The following IDO2 variants were observed in gnomAD, a reference collection of about 807,000 sequenced individuals.
IDO2 encodes the protein indoleamine 2,3-dioxygenase-like 1 protein.
In IDO2, 46 loss-of-function variants were observed where a neutral mutation model predicts 45.1. The ratio of observed to expected loss-of-function variants is 1.02; its 90% confidence interval spans 0.80 to 1.30. The LOEUF is 1.30. Among genes scored for constraint, IDO2 ranks in the 50% most tolerant of loss-of-function variants. The pLI is 0.00. For synonymous variants in IDO2, 218 were observed against 184.9 expected (o/e 1.18, Z -1.45); for missense variants, 544 against 491.8 (o/e 1.11, Z -1.00).
chr8:39,975,401 AAAG>A (rs1257859336), intron 3 of IDO2, among the ~76,000 whole-genome samples: 6 of 152,162 alleles, frequency 3.9e-5, no homozygotes, highest in Non-Finnish European at 8.8e-5. Flanking sequence ...ATATAAATGA[AAAG>A]AAGATTTGTA....
At chr8:40,002,968 A>C (rs966900490) in intron 8 of IDO2, among the ~76,000 whole-genome samples, 5 of 152,102 alleles carry the variant, frequency 3.3e-5, no homozygotes, top group Non-Finnish European at 7.4e-5. Context: ...TCCTGGGTAA[A>C]CCACCTCAAA....
At chr8:40,005,476 A>C in intron 9 of IDO2, 98 bp downstream of exon 9, 1 of 687,248 alleles carries the variant, frequency 1.5e-6, no homozygotes, top group Non-Finnish European at 2.3e-6. Flanking sequence ...CGTAAGAAAC[A>C]TACCAAGTGA....
At chr8:40,011,158 G>T (rs1802304941) in intron 9 of IDO2, among the ~76,000 whole-genome samples, 1 of 152,102 alleles carries the variant, frequency 6.6e-6, no homozygotes. Flanking sequence ...CGATCTCCCC[G>T]CCTGGGCCTC....
intron 10 of IDO2, 30 bp downstream of exon 10, chr8:40,013,743 A>G (rs1308961993): frequency 2.6e-6 from 4 of 1,511,768 alleles, no homozygotes; most frequent in Non-Finnish European, 3.6e-6. Context: ...TTCCCTTGAG[A>G]GTAGAGGGAG....
intron 8 of IDO2, among the ~76,000 whole-genome samples, chr8:39,999,086 A>G (rs1802095971): frequency 6.6e-6 from 1 of 152,014 alleles, no homozygotes; most frequent in Non-Finnish European, 1.5e-5. Context: ...CCTGAAGGAT[A>G]TTTTTGCTAG....
chr8:39,960,809 G>A (rs1329627619), intron 2 of IDO2, among the ~76,000 whole-genome samples: 1 of 152,072 alleles, frequency 6.6e-6, no homozygotes, highest in Non-Finnish European at 1.5e-5. Context: ...TTGAGACGGA[G>A]TCTCGCTCTG....
chr8:39,965,461 T>C (rs1808070718), intron 3 of IDO2, among the ~76,000 whole-genome samples: 2 of 152,112 alleles, frequency 1.3e-5, no homozygotes, highest in African/African-American at 4.8e-5. Flanking sequence ...AACTCTAGCC[T>C]GGGCCACAGA....
At chr8:39,999,380 G>A (rs1303308989) in intron 8 of IDO2, among the ~76,000 whole-genome samples, 1 of 148,252 alleles carries the variant, frequency 6.7e-6, no homozygotes, top group East Asian at 2.1e-4. Context: ...CTCGGTTCAA[G>A]CGATTCTCCT....
At chr8:40,015,902 A>C in exon 11 of IDO2, 1 of 362,716 alleles carries the variant, frequency 2.8e-6, no homozygotes, top group Non-Finnish European at 4.9e-6. Flanking sequence ...AGTAATAGAA[A>C]ACCAATCTAA....
chr8:40,000,221 G>C (rs1234950374), intron 8 of IDO2, among the ~76,000 whole-genome samples: 1 of 152,038 alleles, frequency 6.6e-6, no homozygotes, highest in South Asian at 2.1e-4. Flanking sequence ...AGACCATCCT[G>C]GCCAATATGA....
At chr8:40,011,141 C>T (rs1563443362) in intron 9 of IDO2, among the ~76,000 whole-genome samples, 1 of 152,170 alleles carries the variant, frequency 6.6e-6, no homozygotes, top group Non-Finnish European at 1.5e-5. Flanking sequence ...AAACTCCTGA[C>T]CTCAATCGAT....
At chr8:39,989,791 T>C (rs1384733771) in exon 8 of IDO2, 2 of 1,604,930 alleles carry the variant, frequency 1.2e-6, no homozygotes, top group African/African-American at 2.7e-5. Flanking sequence ...CTGCAGCGAC[T>C]GAGACTGTCT....
At chr8:39,980,901 C>T (rs963648607) in intron 4 of IDO2, among the ~76,000 whole-genome samples, 4 of 151,850 alleles carry the variant, frequency 2.6e-5, no homozygotes, top group Admixed American at 6.6e-5. Flanking sequence ...AGGCACCTGC[C>T]GCCACGGCCA....
chr8:39,977,248 CA>C (rs1808272048), intron 3 of IDO2, among the ~76,000 whole-genome samples: 1 of 151,988 alleles, frequency 6.6e-6, no homozygotes, highest in African/African-American at 2.4e-5. Flanking sequence ...GATAAACAGG[CA>C]AAAATGCTCA....
intron 6 of IDO2, chr8:39,985,893 T>C (rs752034426): frequency 1.2e-5 from 2 of 169,968 alleles, no homozygotes; most frequent in Non-Finnish European, 2.5e-5. Flanking sequence ...TGCAGTGGTG[T>C]GATCTCGGCT....
At chr8:39,948,277 T>C (rs1312078740) in intron 1 of IDO2, among the ~76,000 whole-genome samples, 1 of 152,242 alleles carries the variant, frequency 6.6e-6, no homozygotes, top group African/African-American at 2.4e-5. Flanking sequence ...TAGACTATGT[T>C]GCTCAAACTA....
At chr8:39,980,702 G>C (rs2129594428) in intron 4 of IDO2, among the ~76,000 whole-genome samples, 1 of 152,244 alleles carries the variant, frequency 6.6e-6, no homozygotes, top group South Asian at 2.1e-4. Flanking sequence ...AAGAGGAAAA[G>C]TGTAGAGTCA....
intron 2 of IDO2, among the ~76,000 whole-genome samples, chr8:39,959,623 A>G (rs1176733209): frequency 2.6e-5 from 4 of 152,068 alleles, no homozygotes; most frequent in Non-Finnish European, 4.4e-5. Context: ...GGAGTTCAAG[A>G]CAAGGCTGGC....
intron 1 of IDO2, among the ~76,000 whole-genome samples, chr8:39,936,248 C>A (rs1195371896): frequency 6.6e-6 from 1 of 152,142 alleles, no homozygotes; most frequent in East Asian, 1.9e-4. Context: ...AAAAAAATTA[C>A]CCTGCTATTG....
Sources: gnomAD v4.1 joint callset for allele counts (sites outside exome capture counted in the v4.1 genomes callset) on GRCh38, gnomAD v4.1.1 for gene constraint, MANE v1.5 for transcripts, NCBI Gene and HGNC (gene_info 2026-07-23, HGNC 2026-07-21) for gene names.